The following AP3S1 variants were observed in gnomAD, a reference collection of about 807,000 sequenced individuals.
AP3S1 encodes adaptor related protein complex 3 subunit sigma 1, also known as AP-3 complex subunit sigma-1.
In AP3S1, 12 loss-of-function variants were observed where a neutral mutation model predicts 21.3. The observed-to-expected ratio is 0.56, with a 90% CI of 0.36 to 0.91. The LOEUF is 0.91. AP3S1 is among the 40% of genes least tolerant of loss of function. The pLI is 0.01. For synonymous variants in AP3S1, 48 were observed against 78.4 expected, an observed-to-expected ratio of 0.61 and a Z score of 2.05; for missense variants, 116 against 225.0, an observed-to-expected ratio of 0.52 and a Z score of 3.10.
chr5:115,850,906 G>A (rs1470408290), intron 1 of AP3S1, among the ~76,000 whole-genome samples: 2 of 152,102 alleles, frequency 1.3e-5, no homozygotes, highest in Non-Finnish European at 2.9e-5. Context: ...AAATAAAGGG[G>A]ACATGGAGTG....
intron 1 of AP3S1, among the ~76,000 whole-genome samples, chr5:115,862,274 GA>G (rs1326735392): frequency 6.6e-6 from 1 of 151,750 alleles, no homozygotes; most frequent in East Asian, 1.9e-4. Flanking sequence ...GTTTTTTGGA[GA>G]TTTTTGACAA....
intron 1 of AP3S1, among the ~76,000 whole-genome samples, chr5:115,859,848 T>C (rs1763047245): frequency 1.3e-5 from 2 of 152,232 alleles, no homozygotes; most frequent in Admixed American, 1.3e-4. Context: ...TGAGAACTGA[T>C]TAGACAGGAT....
intron 3 of AP3S1, among the ~76,000 whole-genome samples, chr5:115,894,664 T>C (rs1185127513): frequency 6.6e-6 from 1 of 152,198 alleles, no homozygotes; most frequent in Non-Finnish European, 1.5e-5. Flanking sequence ...AGTGGTCTTT[T>C]ATACTGATTT....
chr5:115,878,461 C>T (rs1468013550), intron 3 of AP3S1, among the ~76,000 whole-genome samples: 1 of 152,074 alleles, frequency 6.6e-6, no homozygotes, highest in Non-Finnish European at 1.5e-5. Flanking sequence ...GGGATCTTTT[C>T]CCCATTTCTT....
intron 3 of AP3S1, among the ~76,000 whole-genome samples, chr5:115,881,887 A>G (rs1269852643): frequency 6.6e-6 from 1 of 151,842 alleles, no homozygotes; most frequent in African/African-American, 2.4e-5. Flanking sequence ...TCTTGGAGAC[A>G]TTGTTTGTTC....
At chr5:115,888,502 G>A (rs547220104) in intron 3 of AP3S1, among the ~76,000 whole-genome samples, 1 of 152,174 alleles carries the variant, frequency 6.6e-6, no homozygotes, top group South Asian at 2.1e-4. Context: ...TTTGAAGAAG[G>A]TTTGTTGATT....
At chr5:115,867,266 G>T (rs138722293) in intron 2 of AP3S1, among the ~76,000 whole-genome samples, 75 of 152,084 alleles carry the variant, frequency 4.9e-4, no homozygotes, top group African/African-American at 1.8e-3. Flanking sequence ...TCTTTTTAAT[G>T]ACTACAGAGT....
intron 3 of AP3S1, among the ~76,000 whole-genome samples, chr5:115,876,349 A>T (rs1748710545): frequency 6.6e-6 from 1 of 152,184 alleles, no homozygotes; most frequent in South Asian, 2.1e-4. Flanking sequence ...TGGAGCTGGA[A>T]GTGACTTAAA....
chr5:115,853,325 A>T (rs1762577194), intron 1 of AP3S1, among the ~76,000 whole-genome samples: 1 of 152,102 alleles, frequency 6.6e-6, no homozygotes. Flanking sequence ...TTGTCTTTTT[A>T]TTATTGACTT....
intron 1 of AP3S1, among the ~76,000 whole-genome samples, chr5:115,848,624 C>A (rs1048023665): frequency 6.6e-6 from 1 of 152,168 alleles, no homozygotes; most frequent in African/African-American, 2.4e-5. Context: ...GTCAAGAGTT[C>A]ATTCTTACCT....
At chr5:115,880,040 A>T (rs895581822) in intron 3 of AP3S1, among the ~76,000 whole-genome samples, 1 of 152,076 alleles carries the variant, frequency 6.6e-6, no homozygotes, top group Non-Finnish European at 1.5e-5. Context: ...TTTCTGTGGG[A>T]TCAGTAGTGA....
chr5:115,907,064 A>G, intron 5 of AP3S1: 1 of 901,224 alleles, frequency 1.1e-6, no homozygotes, highest in Middle Eastern at 5.6e-4. Context: ...TATATCATTG[A>G]TGTCATGTTT....
intron 1 of AP3S1, among the ~76,000 whole-genome samples, chr5:115,846,981 A>G (rs564230280): frequency 2.0e-5 from 3 of 152,344 alleles, no homozygotes; most frequent in Non-Finnish European, 4.4e-5. Flanking sequence ...CAGCAAATCA[A>G]TGACTTTATT....
At chr5:115,879,425 C>T (rs1368881175) in intron 3 of AP3S1, among the ~76,000 whole-genome samples, 1 of 152,114 alleles carries the variant, frequency 6.6e-6, no homozygotes, top group African/African-American at 2.4e-5. Context: ...TGAATTTTAT[C>T]AAAGGCCTTT....
chr5:115,896,075 A>G (rs1057408201), intron 4 of AP3S1, among the ~76,000 whole-genome samples: 7 of 152,174 alleles, frequency 4.6e-5, no homozygotes, highest in Non-Finnish European at 8.8e-5. Flanking sequence ...AAGAGTCTGA[A>G]AATTTTAGCA....
intron 4 of AP3S1, among the ~76,000 whole-genome samples, chr5:115,900,742 T>C (rs74634207): frequency 8.6e-4 from 131 of 152,324 alleles, no homozygotes; most frequent in Non-Finnish European, 1.7e-3. Flanking sequence ...GGCACTGTGT[T>C]TGCTCATTGT....
chr5:115,906,152 C>T (rs1751635717), intron 5 of AP3S1, among the ~76,000 whole-genome samples: 1 of 152,210 alleles, frequency 6.6e-6, no homozygotes, highest in African/African-American at 2.4e-5. Context: ...AGTAAGACTC[C>T]GTCTCAAAAA....
chr5:115,871,815 G>A (rs1157251466), intron 3 of AP3S1, among the ~76,000 whole-genome samples: 1 of 152,076 alleles, frequency 6.6e-6, no homozygotes, highest in African/African-American at 2.4e-5. Flanking sequence ...ACCTCTAGAT[G>A]ACTACTCATA....
At chr5:115,903,059 G>C in intron 5 of AP3S1, 67 bp downstream of exon 5, 1 of 1,172,146 alleles carries the variant, frequency 8.5e-7, no homozygotes, top group South Asian at 1.3e-5. Context: ...ATGATTTGTA[G>C]TTTTCACTGT....
Sources: allele counts gnomAD v4.1 joint callset (sites outside exome capture counted in the v4.1 genomes callset), GRCh38; gene constraint gnomAD v4.1.1; transcripts MANE v1.5; gene names NCBI Gene and HGNC (gene_info 2026-07-23, HGNC 2026-07-21).